TCF7L1: variants seen among roughly 807,000 people sequenced by gnomAD.
TCF7L1 encodes transcription factor 7 like 1.
TCF7L1 carries 18 observed loss-of-function variants against 63.7 expected under a neutral mutation model. That is an observed-to-expected ratio of 0.28 (90% CI 0.20 to 0.42). TCF7L1 has a LOEUF of 0.42. Ranked by LOEUF, TCF7L1 falls within the 10% of genes least tolerant of loss-of-function variation. The probability of loss-of-function intolerance (pLI) is 1.00; values close to 1 mark genes in which losing one functional copy is unlikely to be tolerated. For missense variants in TCF7L1, 654 were observed against 779.3 expected (o/e 0.84, Z 1.91); for synonymous variants, 355 against 340.9 (o/e 1.04, Z -0.46).
chr2:85,252,963 C>T (rs1160151797), intron 3 of TCF7L1, among the ~76,000 whole-genome samples: 1 of 152,184 alleles, frequency 6.6e-6, no homozygotes, highest in Non-Finnish European at 1.5e-5. Context: ...ATTTTAGGCC[C>T]TTTCTCAGAC....
At chr2:85,267,402 C>A (rs1258092705) in intron 3 of TCF7L1, among the ~76,000 whole-genome samples, 1 of 148,850 alleles carries the variant, frequency 6.7e-6, no homozygotes, top group Non-Finnish European at 1.5e-5. Context: ...GTAATCTCAG[C>A]ACTTTGGGAG....
chr2:85,156,698 A>AT (rs1394858006), intron 3 of TCF7L1, among the ~76,000 whole-genome samples: 2 of 152,220 alleles, frequency 1.3e-5, no homozygotes, highest in Non-Finnish European at 2.9e-5. Context: ...GTACACAGAA[A>AT]TTGAGTTCCT....
At chr2:85,161,535 C>G (rs1004289622) in intron 3 of TCF7L1, among the ~76,000 whole-genome samples, 1 of 152,190 alleles carries the variant, frequency 6.6e-6, no homozygotes, top group Non-Finnish European at 1.5e-5. Context: ...ATGGGGATGG[C>G]TGGCCTCAGA....
intron 3 of TCF7L1, among the ~76,000 whole-genome samples, chr2:85,210,120 C>T (rs1431528451): frequency 1.3e-5 from 2 of 152,152 alleles, no homozygotes; most frequent in East Asian, 3.8e-4. Context: ...TTCTTGAGAC[C>T]AGCCCTGGGT....
intron 3 of TCF7L1, among the ~76,000 whole-genome samples, chr2:85,222,107 C>T (rs1423549901): frequency 6.6e-6 from 1 of 152,012 alleles, no homozygotes; most frequent in Admixed American, 6.6e-5. Flanking sequence ...TTCTGGAGGC[C>T]GAGGAGGGTG....
intron 3 of TCF7L1, among the ~76,000 whole-genome samples, chr2:85,225,033 G>C (rs1254995091): frequency 6.6e-6 from 1 of 152,164 alleles, no homozygotes; most frequent in Non-Finnish European, 1.5e-5. Context: ...TTATTAAATA[G>C]GGAATCCTTT....
Position 85,133,845 on chromosome 2 carries a change from A to G in TCF7L1, c.161A>G (p.Asp54Gly). 6.6e-7 allele frequency: 1 copy of G among 1,508,330 alleles called. No individual in the cohort carries two copies. Among genetic ancestry groups the G allele is most frequent in the East Asian group, 2.7e-5 (1 of 36,780 alleles). The allele number at this position is 1,508,330 out of a possible 1,614,324, so 93.4% of individuals were successfully genotyped here. Residue 54 changes from aspartate (D) to glycine (G), a missense_variant, in exon 1 of 12, where the codon GAT (aspartate) becomes GGT (glycine). Physicochemically the swap from Asp to Gly is moderately conservative, Grantham distance 94. Coordinates refer to ENST00000282111, the MANE Select transcript of TCF7L1 (RefSeq NM_031283.3). The surrounding 1 kb of genome is among the most constrained non-coding windows in gnomAD (Gnocchi z 4.4). ...GGCGAGGAGCAGGAGCCGAGCAGCG[A>G]TAGCGCCTCGGCGCAGCGGGACCTA... ...EGGEEQEPSS[D>G]SASAQRDLDE...
At chr2:85,213,916 T>C (rs891581846) in intron 3 of TCF7L1, among the ~76,000 whole-genome samples, 1 of 152,178 alleles carries the variant, frequency 6.6e-6, no homozygotes, top group Non-Finnish European at 1.5e-5. Flanking sequence ...GATTTCTGAA[T>C]TAAAGGCTGG....
intron 3 of TCF7L1, among the ~76,000 whole-genome samples, chr2:85,226,254 C>T (rs1392542827): frequency 6.6e-6 from 1 of 152,210 alleles, no homozygotes; most frequent in Non-Finnish European, 1.5e-5. Context: ...TGCTGTGTCT[C>T]TGCCAGGCTT....
intron 3 of TCF7L1, among the ~76,000 whole-genome samples, chr2:85,153,621 G>A (rs144485132): frequency 0.014 from 2,066 of 152,002 alleles, 37 homozygotes; most frequent in African/African-American, 0.047. Context: ...GATTACAGGC[G>A]TGAGCCACTG....
At chr2:85,185,430 G>A (rs1201417963) in intron 3 of TCF7L1, among the ~76,000 whole-genome samples, 4 of 152,028 alleles carry the variant, frequency 2.6e-5, no homozygotes, top group South Asian at 2.1e-4. Flanking sequence ...GCAACATCAC[G>A]TCTTACAGAA....
intron 3 of TCF7L1, among the ~76,000 whole-genome samples, chr2:85,279,933 A>G (rs1573023228): frequency 6.6e-6 from 1 of 152,222 alleles, no homozygotes; most frequent in East Asian, 1.9e-4. Flanking sequence ...CTCCCAGCAG[A>G]AGCCAAGACT....
At chr2:85,240,259 T>G (rs1334487730) in intron 3 of TCF7L1, among the ~76,000 whole-genome samples, 1 of 152,176 alleles carries the variant, frequency 6.6e-6, no homozygotes, top group Non-Finnish European at 1.5e-5. Flanking sequence ...TGGAGATGAT[T>G]ATGTCCCTGC....
chr2:85,272,765 A>C (rs1681180754), intron 3 of TCF7L1, among the ~76,000 whole-genome samples: 1 of 152,208 alleles, frequency 6.6e-6, no homozygotes, highest in African/African-American at 2.4e-5. Flanking sequence ...ACTGCACTCC[A>C]GCCTGGCTGA....
At position 85,133,854 on chromosome 2, in the gene TCF7L1, C is replaced by T; in HGVS notation, c.170C>T (p.Ser57Leu). ...CAGGAGCCGAGCAGCGATAGCGCCT[C>T]GGCGCAGCGGGACCTAGACGAGGTC... is the stretch of plus-strand genomic sequence containing the variant. ...EEQEPSSDSA[S>L]AQRDLDEVKS... The change falls in exon 1 of 12, where the codon TCG (serine) becomes TTG (leucine). Residue 57 changes from serine (S) to leucine (L), a missense_variant. Physicochemically the swap from Ser to Leu is moderately radical, Grantham distance 145. Transcript: ENST00000282111. This position sits in a 1 kb window ranked among gnomAD's most constrained non-coding sequence, Gnocchi z 4.4. 6.6e-7 allele frequency: 1 copy of T among 1,510,880 alleles called. No homozygotes were observed. Among genetic ancestry groups the T allele is most frequent in the Non-Finnish European group, 8.9e-7 (1 of 1,129,418 alleles). 93.6% of individuals were successfully genotyped at this position (1,510,880 alleles called of 1,614,324 possible). A position where few individuals can be genotyped will look rare whatever the true frequency, so the allele number is the denominator to read the frequency against.
intron 4 of TCF7L1, among the ~76,000 whole-genome samples, chr2:85,301,734 G>A (rs895132013): frequency 6.6e-6 from 1 of 152,152 alleles, no homozygotes; most frequent in African/African-American, 2.4e-5. Context: ...GGTAGTATGA[G>A]GTCTAATGGG....
intron 3 of TCF7L1, among the ~76,000 whole-genome samples, chr2:85,245,894 AAC>A (rs1199773080): frequency 6.6e-6 from 1 of 151,822 alleles, no homozygotes; most frequent in Non-Finnish European, 1.5e-5. Context: ...GTCAGATGGA[AAC>A]AGTTAAAGGA....
intron 8 of TCF7L1, among the ~76,000 whole-genome samples, chr2:85,305,772 G>A (rs1196596814): frequency 3.3e-5 from 5 of 152,156 alleles, no homozygotes; most frequent in African/African-American, 9.7e-5. Context: ...GAGCTGAGAT[G>A]AGCACCAGGG....
intron 4 of TCF7L1, among the ~76,000 whole-genome samples, chr2:85,301,907 C>T (rs900996153): frequency 1.3e-5 from 2 of 152,122 alleles, no homozygotes; most frequent in African/African-American, 4.8e-5. Context: ...GGGTGGATCA[C>T]CTGAGGTCAG....
Sources: allele counts gnomAD v4.1 joint callset (sites outside exome capture counted in the v4.1 genomes callset), GRCh38; gene constraint gnomAD v4.1.1; non-coding constraint Gnocchi (gnomAD v3.1); transcripts MANE v1.5; gene names NCBI Gene and HGNC (gene_info 2026-07-23, HGNC 2026-07-21).